LNX1: variants seen among roughly 807,000 people sequenced by gnomAD.
The protein encoded by LNX1 is E3 ubiquitin-protein ligase LNX.
LNX1 carries 54 observed loss-of-function variants against 68.4 expected under a neutral mutation model. The ratio of observed to expected loss-of-function variants is 0.79; its 90% CI spans 0.63 to 0.99. The LOEUF is 0.99. Among genes scored for constraint, LNX1 ranks in the 50% least tolerant of loss-of-function variants. LNX1 has a pLI of 0.00. For missense variants in LNX1, 906 were observed against 926.4 expected (o/e 0.98, Z 0.29); for synonymous variants, 336 against 350.0 (o/e 0.96, Z 0.45).
At chr4:53,598,452 C>T (rs1353558937) in intron 2 of LNX1, among the ~76,000 whole-genome samples, 3 of 152,054 alleles carry the variant, frequency 2.0e-5, no homozygotes, top group South Asian at 4.2e-4. Context: ...AGGCTGGTCT[C>T]GAACTCCTGG....
At chr4:53,547,879 G>A (rs1283340533) in intron 2 of LNX1, among the ~76,000 whole-genome samples, 4 of 152,182 alleles carry the variant, frequency 2.6e-5, no homozygotes, top group African/African-American at 7.2e-5. Context: ...AATATGGTTC[G>A]GGGGTCCTGG....
chr4:53,539,966 G>A (rs186965296), intron 2 of LNX1, among the ~76,000 whole-genome samples: 166 of 152,290 alleles, frequency 1.1e-3, no homozygotes, highest in African/African-American at 3.8e-3. Flanking sequence ...GGTTAGAACT[G>A]GAAATTCAGT....
chr4:53,530,735 T>C (rs1321139967), intron 2 of LNX1, among the ~76,000 whole-genome samples: 1 of 152,214 alleles, frequency 6.6e-6, no homozygotes, highest in East Asian at 1.9e-4. Context: ...TCATTGACTA[T>C]GGCATGCCAA....
At chr4:53,558,331 G>C (rs540162423) in intron 2 of LNX1, 1 of 1,028,110 alleles carries the variant, frequency 9.7e-7, no homozygotes, top group African/African-American at 1.7e-5. Flanking sequence ...GACAGGCTGG[G>C]AGTTAAAATG....
At chr4:53,518,319 C>T (rs143112697) in intron 2 of LNX1, among the ~76,000 whole-genome samples, 4 of 152,314 alleles carry the variant, frequency 2.6e-5, no homozygotes, top group African/African-American at 9.6e-5. Flanking sequence ...GACACACTGG[C>T]TAGTCTCTGC....
intron 9 of LNX1, among the ~76,000 whole-genome samples, chr4:53,471,409 A>G (rs59311047): frequency 0.13 from 19,769 of 152,098 alleles, 2,563 homozygotes; most frequent in African/African-American, 0.32. Context: ...CCTAGGCATT[A>G]CCATTCAGGA....
upstream of LNX1, among the ~76,000 whole-genome samples, chr4:53,618,367 A>G (rs1162047485): frequency 6.6e-5 from 10 of 152,242 alleles, no homozygotes; most frequent in Admixed American, 6.5e-4. Context: ...TCCATTAGGC[A>G]GAGACACAAA....
intron 2 of LNX1, among the ~76,000 whole-genome samples, chr4:53,542,724 T>C (rs1219905822): frequency 1.3e-5 from 2 of 152,150 alleles, no homozygotes; most frequent in African/African-American, 4.8e-5. Context: ...AAATTCAACA[T>C]TAATTTACAC....
At chr4:53,558,201 C>A in intron 2 of LNX1, 1 of 1,300,290 alleles carries the variant, frequency 7.7e-7, no homozygotes. Flanking sequence ...CCACGGTTGG[C>A]GAGAGAGCTT....
At chr4:53,591,621 C>A, upstream of LNX1, 1 of 978,078 alleles carries the variant, frequency 1.0e-6, no homozygotes, top group Non-Finnish European at 1.2e-6. Flanking sequence ...TTGAAAGAGT[C>A]AGGAGGCCCC....
intron 2 of LNX1, among the ~76,000 whole-genome samples, chr4:53,551,170 C>G (rs1729479032): frequency 6.6e-6 from 1 of 152,124 alleles, no homozygotes; most frequent in Admixed American, 6.5e-5. Context: ...GAAGGGCATA[C>G]ATAAGGCTGC....
rs1730611648 is a variant in LNX1, at chr4:53,565,553, C to A, written c.380+8070G>T. On this transcript the variant is annotated intron_variant, in intron 2 of 10. Coordinates refer to ENST00000263925, the MANE Select transcript of LNX1 (RefSeq NM_001126328.3). ...TAAAACCACAAAGATGGGGAAAAAA[C>A]AGAACAGAAAAACTGGAAACTCTAA... 2.0e-5 allele frequency among the ~76,000 whole-genome samples: 3 copies of A among 151,876 alleles called. No homozygotes were observed. In the South Asian group the frequency reaches 6.3e-4, roughly 32 times the overall value.
In LNX1 at chr4:53,459,460, G is replaced by A; in HGVS notation, c.*1447C>T. 3.7e-6 allele frequency: 6 copies of A among 1,613,094 alleles called. No individual in the cohort carries two copies. Among genetic ancestry groups the A allele is most frequent in the Non-Finnish European group, 5.1e-6 (6 of 1,179,404 alleles). Reference sequence around the variant, plus strand: ...ACACCTGCAGAATAGGCATGGTTTTGGCCTTTTGTGTATATTAGTACCAGA... The same window carrying A: ...ACACCTGCAGAATAGGCATGGTTTTAGCCTTTTGTGTATATTAGTACCAGA... On this transcript the variant is annotated 3_prime_UTR_variant, in exon 11 of 11. Transcript: ENST00000263925.
At chr4:53,606,028 A>C (rs1733218282) in intron 2 of LNX1, among the ~76,000 whole-genome samples, 1 of 152,138 alleles carries the variant, frequency 6.6e-6, no homozygotes, top group South Asian at 2.1e-4. Context: ...TCTTTATCAC[A>C]AGTGGAGGAA....
rs182909003 is a variant in LNX1, at chr4:53,627,633, G to A, written c.-215+24535C>T. ...TTAGAAAAATAATTTTTAAATAAAT[G>A]CACAGAGGTGAGTAATTTTTCTCCT... On this transcript the variant is annotated intron_variant, in intron 1 of 2. Coordinates refer to the LNX1 transcript ENST00000507168. 3.9e-3 allele frequency among the ~76,000 whole-genome samples: 601 copies of A among 152,298 alleles called. 3 individuals carry two copies. Among genetic ancestry groups the A allele is most frequent in the African/African-American group, 0.014 (577 of 41,564 alleles).
At chr4:53,605,775 A>C (rs1733203128) in intron 2 of LNX1, among the ~76,000 whole-genome samples, 1 of 152,208 alleles carries the variant, frequency 6.6e-6, no homozygotes, top group Non-Finnish European at 1.5e-5. Context: ...ACAGCTGAAT[A>C]ATATTCCATT....
upstream of LNX1, chr4:53,594,019 T>C (rs901338022): frequency 2.8e-5 from 4 of 140,370 alleles, no homozygotes; most frequent in African/African-American, 1.0e-4. Context: ...TTCTTACCCA[T>C]TATTCAGAAG....
At chr4:53,600,764 T>G (rs1294279979) in intron 2 of LNX1, among the ~76,000 whole-genome samples, 2 of 151,110 alleles carry the variant, frequency 1.3e-5, no homozygotes, top group African/African-American at 4.8e-5. Flanking sequence ...AGAGTCTCGC[T>G]CTGTTGCCAA....
At chr4:53,618,356 GT>G (rs1420933992), upstream of LNX1, among the ~76,000 whole-genome samples, 8 of 152,158 alleles carry the variant, frequency 5.3e-5, no homozygotes, top group Non-Finnish European at 1.2e-4. Flanking sequence ...TTGCTGTGTA[GT>G]CCATTAGGCA....
Sources: allele counts gnomAD v4.1 joint callset (sites outside exome capture counted in the v4.1 genomes callset), GRCh38; gene constraint gnomAD v4.1.1; transcripts MANE v1.5; gene names NCBI Gene and HGNC (gene_info 2026-07-23, HGNC 2026-07-21).